Variants in FHIT observed in about 807,000 individuals in gnomAD.
FHIT encodes bis(5'-adenosyl)-triphosphatase.
FHIT carries 19 observed loss-of-function variants against 17.9 expected under a neutral mutation model. That is an observed-to-expected ratio of 1.06 (90% CI 0.74 to 1.56). The LOEUF (loss-of-function observed/expected upper bound fraction) is 1.56. Among genes scored for constraint, FHIT ranks in the 40% most tolerant of loss-of-function variants. The pLI is 0.00. For missense variants in FHIT, 248 were observed against 189.2 expected (o/e 1.31, Z -1.82); for synonymous variants, 81 against 69.7 (o/e 1.16, Z -0.81).
chr3:60,489,936 A>C (rs2033993543), intron 5 of FHIT, among the ~76,000 whole-genome samples: 1 of 152,096 alleles, frequency 6.6e-6, no homozygotes, highest in Non-Finnish European at 1.5e-5. Flanking sequence ...GTTCTGTTAT[A>C]AACTGTACCT....
Position 60,401,246 on chromosome 3 carries a change from A to G in FHIT, c.103+135614T>C, listed in dbSNP as rs1465344481. ...TGAAATCCAAGTTTCACCTCCATAT[A>G]CATGTGATCTCCAAAGTGGTTTCAT... On this transcript the variant is annotated intron_variant, in intron 5 of 9. Transcript: ENST00000492590. Among the ~76,000 whole-genome samples, 4 of 152,276 alleles carry G rather than the reference A, an allele frequency of 2.6e-5. No homozygotes were observed. In the East Asian group the frequency reaches 7.7e-4, roughly 29 times the overall value.
intron 4 of FHIT, among the ~76,000 whole-genome samples, chr3:60,812,793 A>G (rs542188488): frequency 6.6e-6 from 1 of 152,314 alleles, no homozygotes; most frequent in African/African-American, 2.4e-5. Flanking sequence ...GATGCTGTGC[A>G]GTGGAAGCAG....
intron 7 of FHIT, among the ~76,000 whole-genome samples, chr3:59,993,442 T>C (rs1699374530): frequency 6.6e-6 from 1 of 151,992 alleles, no homozygotes; most frequent in South Asian, 2.1e-4. Flanking sequence ...GTAGAATGCA[T>C]TTCTCATTTA....
intron 4 of FHIT, among the ~76,000 whole-genome samples, chr3:60,593,914 T>C (rs2038175423): frequency 6.6e-6 from 1 of 152,144 alleles, no homozygotes; most frequent in African/African-American, 2.4e-5. Flanking sequence ...TTAATATTTC[T>C]AAGACCAAAT....
chr3:59,996,472 A>C (rs908728987), intron 7 of FHIT, among the ~76,000 whole-genome samples: 3 of 152,072 alleles, frequency 2.0e-5, no homozygotes, highest in Non-Finnish European at 4.4e-5. Context: ...CCTGAAATTA[A>C]ATGCGACATT....
chr3:60,441,788 A>ATGTATATGTGTGTG (rs1553772907), intron 5 of FHIT, among the ~76,000 whole-genome samples: 3 of 12,316 alleles, frequency 2.4e-4, no homozygotes, highest in African/African-American at 7.2e-4. Flanking sequence ...ATAAAAATAT[A>ATGTATATGTGTGTG]TATATATATA....
intron 3 of FHIT, among the ~76,000 whole-genome samples, chr3:60,991,795 GTTGTTA>G (rs1228986939): frequency 4.0e-5 from 6 of 151,884 alleles, no homozygotes; most frequent in East Asian, 1.9e-4. Flanking sequence ...AATAGCTGTT[GTTGTTA>G]TTATTATTAT....
chr3:60,617,028 T>C (rs1403023280), intron 4 of FHIT: 4 of 196,474 alleles, frequency 2.0e-5, no homozygotes, highest in Non-Finnish European at 4.5e-5. Context: ...ACTGAATAAC[T>C]TACTATGGAA....
intron 5 of FHIT, among the ~76,000 whole-genome samples, chr3:60,152,233 T>C (rs1330926429): frequency 6.6e-6 from 1 of 152,200 alleles, no homozygotes; most frequent in Non-Finnish European, 1.5e-5. Context: ...TAATCTTACC[T>C]TGAGGCTGTG....
At chr3:59,781,610 G>T (rs1219116216) in intron 8 of FHIT, among the ~76,000 whole-genome samples, 1 of 152,214 alleles carries the variant, frequency 6.6e-6, no homozygotes, top group South Asian at 2.1e-4. Flanking sequence ...ACAAAGGAAG[G>T]ATTCCCAGTG....
intron 3 of FHIT, among the ~76,000 whole-genome samples, chr3:60,891,604 T>A (rs915854110): frequency 6.6e-6 from 1 of 152,146 alleles, no homozygotes; most frequent in Non-Finnish European, 1.5e-5. Flanking sequence ...GTGTCTATAT[T>A]TTTTCAGTAT....
intron 6 of FHIT, 147 bp from the exon 7 acceptor site, chr3:60,011,547 G>A: frequency 4.2e-6 from 3 of 721,764 alleles, no homozygotes; most frequent in Non-Finnish European, 7.3e-6. Context: ...CTTCAAATGT[G>A]CGGGATTAGA....
intron 5 of FHIT, among the ~76,000 whole-genome samples, chr3:60,313,260 C>T (rs528352715): frequency 6.6e-6 from 1 of 152,334 alleles, no homozygotes; most frequent in African/African-American, 2.4e-5. Flanking sequence ...AAACACTCTA[C>T]AATATTCAGG....
chr3:60,347,766 AT>A (rs796942465), intron 5 of FHIT, among the ~76,000 whole-genome samples: 4 of 127,980 alleles, frequency 3.1e-5, no homozygotes, highest in African/African-American at 5.8e-5. Flanking sequence ...CTATCTTTTC[AT>A]TTTTTTTTGA....
At chr3:61,127,527 CT>C (rs1007380243) in intron 2 of FHIT, among the ~76,000 whole-genome samples, 3 of 152,146 alleles carry the variant, frequency 2.0e-5, no homozygotes, top group African/African-American at 7.2e-5. Context: ...CAAACCCCCC[CT>C]GACAGTTTTC....
intron 3 of FHIT, among the ~76,000 whole-genome samples, chr3:60,981,980 C>A (rs961232702): frequency 6.6e-6 from 1 of 152,194 alleles, no homozygotes; most frequent in Non-Finnish European, 1.5e-5. Flanking sequence ...CACTCCATCT[C>A]GGCAGATACC....
intron 4 of FHIT, among the ~76,000 whole-genome samples, chr3:60,608,290 G>A (rs1553672003): frequency 1.3e-5 from 2 of 152,082 alleles, no homozygotes; most frequent in Admixed American, 6.5e-5. Context: ...TTCTAGACCA[G>A]AATCAGCGGG....
intron 5 of FHIT, among the ~76,000 whole-genome samples, chr3:60,442,353 T>G (rs2030962709): frequency 6.6e-6 from 1 of 152,190 alleles, no homozygotes; most frequent in Non-Finnish European, 1.5e-5. Flanking sequence ...CCCCCATGCC[T>G]ATGTCCTGAA....
At chr3:60,587,073 C>G (rs1372740107) in intron 4 of FHIT, among the ~76,000 whole-genome samples, 1 of 151,864 alleles carries the variant, frequency 6.6e-6, no homozygotes, top group Non-Finnish European at 1.5e-5. Context: ...TCTAAGCTCT[C>G]TATCAGAAAA....
Sources: allele counts gnomAD v4.1 joint callset (sites outside exome capture counted in the v4.1 genomes callset), GRCh38; gene constraint gnomAD v4.1.1; transcripts MANE v1.5; gene names NCBI Gene and HGNC (gene_info 2026-07-23, HGNC 2026-07-21).